CELSR1: variants seen among roughly 807,000 people sequenced by gnomAD.
CELSR1 encodes the protein cadherin EGF LAG seven-pass G-type receptor 1, also known as adhesion G protein-coupled receptor C1.
A neutral mutation model predicts 249.1 loss-of-function variants in CELSR1; 110 were observed. The observed-to-expected ratio is 0.44, with a 90% CI of 0.38 to 0.52. The LOEUF (loss-of-function observed/expected upper bound fraction) is 0.52. Among genes scored for constraint, CELSR1 ranks in the 20% least tolerant of loss-of-function variants. CELSR1 has a pLI of 0.00. For synonymous variants in CELSR1, 2,113 were observed against 1,900.0 expected (o/e 1.11, Z -2.92); for missense variants, 4,109 against 4,296.4 (o/e 0.96, Z 1.22).
chr22:46,390,603 C>A lies in CELSR1; in HGVS notation c.6251-117G>T. ...CCAGAACACTGCGTGGTGGTTAGAACCCCATGGGGGCCAGGAGGTCGACAC... is the reference window on the plus strand; with the variant it reads ...CCAGAACACTGCGTGGTGGTTAGAAACCCATGGGGGCCAGGAGGTCGACAC... On this transcript the variant is annotated intron_variant, in intron 16 of 34. Transcript: ENST00000674500. This position sits in a 1 kb window ranked among gnomAD's most constrained non-coding sequence, Gnocchi z 6.3. 7 of 807,742 alleles carry A rather than the reference C, an allele frequency of 8.7e-6. No homozygotes were observed. In the South Asian group the frequency reaches 1.3e-4, roughly 15 times the overall value. The allele number at this position is 807,742 out of a possible 1,614,324, so 50.0% of individuals were successfully genotyped here.
At chr22:46,474,790 T>TTTTTTTTA (rs1467815429) in intron 1 of CELSR1, among the ~76,000 whole-genome samples, 1 of 134,372 alleles carries the variant, frequency 7.4e-6, no homozygotes, top group East Asian at 2.2e-4. Context: ...CTCTACTTCT[T>TTTTTTTTA]TTTTTTTTTT....
chr22:46,438,357 GC>G lies in CELSR1; in HGVS notation c.4406+831del, dbSNP rs528297301. On this transcript the variant is annotated intron_variant, in intron 3 of 34. Transcript: ENST00000674500. ...CCACCTGAAACAAAAGCAGCTAGGCGCCCCCCAACCCGGCCCCTCACAGCGG... is the reference window on the plus strand; with the variant it reads ...CCACCTGAAACAAAAGCAGCTAGGCGCCCCCAACCCGGCCCCTCACAGCGG... 1.8e-3 allele frequency among the ~76,000 whole-genome samples: 273 copies of G among 152,028 alleles called. 1 individual carries two copies. Among genetic ancestry groups the G allele is most frequent in the Non-Finnish European group, 3.2e-3 (220 of 67,994 alleles).
At chr22:46,465,684 G>A (rs1305225065) in intron 1 of CELSR1, among the ~76,000 whole-genome samples, 3 of 152,248 alleles carry the variant, frequency 2.0e-5, no homozygotes, top group African/African-American at 7.2e-5. Context: ...ATCTGGGAGG[G>A]ACCTGGAGTC....
rs573538428 is a variant in CELSR1 at position 46,389,464 on chromosome 22, G to A, written c.6381C>T (p.Asp2127=). The change falls in exon 18 of 35, where the codon GAC becomes GAT. Residue 2127 remains aspartate (D), a synonymous_variant. Transcript: ENST00000674500. The part of the protein sequence containing the change: ...EKLSRNETQV[D]GARALQLVRA... Reference sequence around the variant, plus strand: ...TCACCAGCTGCAGGGCCCTGGCGCCGTCCACCTGCGTCTCATTGCGGCTCA... The same window carrying A: ...TCACCAGCTGCAGGGCCCTGGCGCCATCCACCTGCGTCTCATTGCGGCTCA... The A allele has an allele frequency of 9.5e-5, 153 of 1,613,250 alleles. No homozygotes were observed. The highest frequency in any genetic ancestry group is 1.1e-4 in the Non-Finnish European group (124 of 1,180,012).
At chr22:46,389,643 T>C (rs2079068109) in intron 17 of CELSR1, 144 bp from the exon 18 acceptor site, 2 of 922,752 alleles carry the variant, frequency 2.2e-6, no homozygotes, top group Non-Finnish European at 1.7e-6. Context: ...TGGCTGGGCA[T>C]GGTGGCTCAC....
At chr22:46,480,404 C>A (rs540275858) in intron 1 of CELSR1, among the ~76,000 whole-genome samples, 1 of 152,154 alleles carries the variant, frequency 6.6e-6, no homozygotes, top group Non-Finnish European at 1.5e-5. Flanking sequence ...AGTTCTTATC[C>A]AAATGATAAG....
At chr22:46,524,568 GTGTC>G (rs202238878) in intron 1 of CELSR1, among the ~76,000 whole-genome samples, 8 of 57,246 alleles carry the variant, frequency 1.4e-4, no homozygotes, top group African/African-American at 1.6e-4. Flanking sequence ...GTGTGTGTGT[GTGTC>G]TGTCTGTCTG....
chr22:46,508,520 C>T (rs893185775), intron 1 of CELSR1, among the ~76,000 whole-genome samples: 2 of 150,172 alleles, frequency 1.3e-5, no homozygotes, highest in Non-Finnish European at 1.5e-5. Context: ...TTCTCACAGC[C>T]GGGGTCCCCT....
intron 1 of CELSR1, among the ~76,000 whole-genome samples, chr22:46,502,191 A>G (rs1472948485): frequency 7.0e-6 from 1 of 143,042 alleles, no homozygotes; most frequent in Non-Finnish European, 1.5e-5. Context: ...TGAGCCCAGG[A>G]GGTCGGGGCT....
chr22:46,471,619 C>T lies in CELSR1; in HGVS notation c.3545-7274G>A, dbSNP rs974978938. Among the ~76,000 whole-genome samples, 8 of 152,216 alleles carry T rather than the reference C, an allele frequency of 5.3e-5. No homozygotes were observed. The highest frequency in any genetic ancestry group is 1.9e-4 in the African/African-American group (8 of 41,464). On this transcript the variant is annotated intron_variant, in intron 1 of 34. Coordinates refer to ENST00000674500, the MANE Select transcript of CELSR1 (RefSeq NM_001378328.1). This position sits in a 1 kb window ranked among gnomAD's most constrained non-coding sequence, Gnocchi z 4.9. ...CGATGTTGCCCAGGCTGGTCTCACA[C>T]TCCTGGCCTCAAGCGATCCTCCCAC...
At chr22:46,462,947 A>T (rs1666049518) in intron 2 of CELSR1, 1 of 466,566 alleles carries the variant, frequency 2.1e-6, no homozygotes, top group Non-Finnish European at 4.4e-6. Flanking sequence ...ATGAAAAAAC[A>T]GGATTTCAAG....
At chr22:46,397,271 T>A (rs75817415) in intron 12 of CELSR1, among the ~76,000 whole-genome samples, 1 of 143,678 alleles carries the variant, frequency 7.0e-6, no homozygotes, top group African/African-American at 2.8e-5. Flanking sequence ...GCCTGGCTAA[T>A]TTTTGCTTTT....
intron 1 of CELSR1, among the ~76,000 whole-genome samples, chr22:46,525,580 G>A (rs1421630749): frequency 2.6e-5 from 4 of 152,110 alleles, no homozygotes; most frequent in East Asian, 1.9e-4. Context: ...ATTAGAAAAC[G>A]ATTTCCCCCA....
Position 46,471,284 on chromosome 22 carries a change from G to T in CELSR1, c.3545-6939C>A, listed in dbSNP as rs939577247. On this transcript the variant is annotated intron_variant, in intron 1 of 34. Coordinates refer to ENST00000674500, the MANE Select transcript of CELSR1 (RefSeq NM_001378328.1). This position sits in a 1 kb window ranked among gnomAD's most constrained non-coding sequence, Gnocchi z 4.9. ...GTTTGTTTTTATAAAACTTAATTTT[G>T]AAACAGTTTTAGATTTACAAAAAAA... Among the ~76,000 whole-genome samples the T allele has an allele frequency of 2.0e-5, 3 of 152,092 alleles. No homozygotes were observed. Among genetic ancestry groups the T allele is most frequent in the African/African-American group, 7.2e-5 (3 of 41,412 alleles).
chr22:46,534,501 G>A lies in CELSR1; in HGVS notation c.2670C>T (p.Pro890=). The part of the protein sequence containing the change: ...ILILDANDNA[P]QFLWDFYQGS... ...CCTGGTAGAAATCCCACAGGAACTG[G>A]GGTGCATTGTCATTGGCATCGAGGA... The change falls in exon 1 of 35, where the codon CCC becomes CCT. Residue 890 remains proline, a synonymous_variant. Transcript: ENST00000674500. The surrounding 1 kb of genome is among the most constrained non-coding windows in gnomAD (Gnocchi z 9.7). The A allele has an allele frequency of 6.2e-7, 1 of 1,613,410 alleles. No homozygotes were observed. The highest frequency in any genetic ancestry group is 2.2e-5 in the East Asian group (1 of 44,888).
chr22:46,389,474 G>A lies in CELSR1; in HGVS notation c.6371C>T (p.Thr2124Met), dbSNP rs771037022. Reference protein sequence around the residue: ...AMNEKLSRNETQVDGARALQL... With the variant: ...AMNEKLSRNEMQVDGARALQL... The stretch of plus-strand genomic sequence containing the variant: ...CAGGGCCCTGGCGCCGTCCACCTGC[G>A]TCTCATTGCGGCTCAGCTTCTCATT... The change falls in exon 18 of 35, where the codon ACG (threonine) becomes ATG (methionine). Residue 2124 changes from threonine (T) to methionine (M), a missense_variant. Thr to Met is a moderately conservative substitution (Grantham distance 81). Coordinates refer to ENST00000674500, the MANE Select transcript of CELSR1 (RefSeq NM_001378328.1). The A allele has an allele frequency of 3.1e-5, 50 of 1,613,310 alleles. No individual in the cohort carries two copies. Among genetic ancestry groups the A allele is most frequent in the African/African-American group, 6.7e-5 (5 of 75,068 alleles).
chr22:46,369,340 C>A, intron 26 of CELSR1, 82 bp from the exon 27 acceptor site: 3 of 1,238,294 alleles, frequency 2.4e-6, no homozygotes, highest in Non-Finnish European at 3.5e-6. Context: ...AGGCCCTTCG[C>A]CCTGTCAGGG....
rs979174057 is a variant in CELSR1, at chr22:46,399,700, T to C, written c.5412+17A>G. The C allele has an allele frequency of 6.2e-7, 1 of 1,612,520 alleles. No homozygotes were observed. The highest frequency in any genetic ancestry group is 8.5e-7 in the Non-Finnish European group (1 of 1,178,700). Reference sequence around the variant, plus strand: ...AGGAAGGGTCTATCCCCAGAGGAGGTGCAGGTGCCAGCTCACCTGGTCCAT... The same window carrying C: ...AGGAAGGGTCTATCCCCAGAGGAGGCGCAGGTGCCAGCTCACCTGGTCCAT... On this transcript the variant is annotated intron_variant, in intron 10 of 34. Transcript: ENST00000674500. The surrounding 1 kb of genome is among the most constrained non-coding windows in gnomAD (Gnocchi z 5.0).
At position 46,409,222 on chromosome 22, in the gene CELSR1, G is replaced by C. The variant is rs2079302489; in HGVS notation, c.5060-60C>G. On this transcript the variant is annotated intron_variant, in intron 8 of 34. Coordinates refer to ENST00000674500, the MANE Select transcript of CELSR1 (RefSeq NM_001378328.1). This position sits in a 1 kb window ranked among gnomAD's most constrained non-coding sequence, Gnocchi z 9.8. ...CCGAAATCACACGGCCGCGGACTTG[G>C]CTGCAGGGGCGGGGGATGGGCCTGC... The C allele has an allele frequency of 6.4e-7, 1 of 1,574,342 alleles. No homozygotes were observed. Among genetic ancestry groups the C allele is most frequent in the Non-Finnish European group, 8.6e-7 (1 of 1,156,120 alleles).
Sources: gnomAD v4.1 joint callset for allele counts (sites outside exome capture counted in the v4.1 genomes callset) on GRCh38, gnomAD v4.1.1 for gene constraint, Gnocchi (gnomAD v3.1) non-coding constraint, MANE v1.5 for transcripts, NCBI Gene and HGNC (gene_info 2026-07-23, HGNC 2026-07-21) for gene names.